C10orf90: variants seen among roughly 807,000 people sequenced by gnomAD.
C10orf90 encodes the protein chromosome 10 open reading frame 90.
Under a neutral mutation model 62.5 loss-of-function variants are expected in C10orf90, and 56 were observed. That is an observed-to-expected ratio of 0.90 (90% CI 0.72 to 1.12). C10orf90 has a LOEUF of 1.12. Ranked by LOEUF, C10orf90 falls within the 50% of genes most tolerant of loss-of-function variation. The pLI, the probability that C10orf90 is intolerant of heterozygous loss-of-function variation, is 0.00. For missense variants in C10orf90, 970 were observed against 880.4 expected, an observed-to-expected ratio of 1.10 and a Z score of -1.29; for synonymous variants, 386 against 340.4, an observed-to-expected ratio of 1.13 and a Z score of -1.47.
intron 2 of C10orf90, among the ~76,000 whole-genome samples, chr10:126,548,512 A>G (rs1482117613): frequency 6.6e-6 from 1 of 152,150 alleles, no homozygotes; most frequent in Non-Finnish European, 1.5e-5. Context: ...GATTACAGGC[A>G]CACGCCACCA....
chr10:126,661,003 C>T lies in C10orf90; in HGVS notation c.240+9238G>A, dbSNP rs116464857. Among the ~76,000 whole-genome samples the T allele has an allele frequency of 9.0e-3, 1,376 of 152,302 alleles. 19 individuals are homozygous for T. Among genetic ancestry groups the T allele is most frequent in the African/African-American group, 0.031 (1,284 of 41,562 alleles). ...CTGGCTTCTGCTATTGTATGCTTGA[C>T]ACAAATGTCATTAACTTGGAAAACT... On this transcript the variant is annotated intron_variant, in intron 1 of 9. Transcript: ENST00000488181.
intron 2 of C10orf90, among the ~76,000 whole-genome samples, chr10:126,574,644 T>C (rs975793918): frequency 6.6e-6 from 1 of 152,028 alleles, no homozygotes; most frequent in Admixed American, 6.5e-5. Context: ...ACAACATTAA[T>C]AGGAGAAAAG....
At chr10:126,526,944 C>T (rs1325085285) in intron 2 of C10orf90, among the ~76,000 whole-genome samples, 1 of 152,118 alleles carries the variant, frequency 6.6e-6, no homozygotes, top group Non-Finnish European at 1.5e-5. Context: ...ATAGGTAGAC[C>T]ACCTATGTTG....
chr10:126,622,390 C>A (rs1460306382), intron 2 of C10orf90, among the ~76,000 whole-genome samples: 1 of 152,146 alleles, frequency 6.6e-6, no homozygotes, highest in African/African-American at 2.4e-5. Context: ...CAGAAAAAAG[C>A]CTCAGGTTCC....
chr10:126,572,112 A>G (rs1844518650), intron 2 of C10orf90, among the ~76,000 whole-genome samples: 1 of 152,162 alleles, frequency 6.6e-6, no homozygotes, highest in Admixed American at 6.5e-5. Context: ...CCAGGAGGTT[A>G]AAGCATTCTT....
intron 2 of C10orf90, among the ~76,000 whole-genome samples, chr10:126,622,273 C>T (rs766104085): frequency 2.0e-5 from 3 of 152,060 alleles, no homozygotes; most frequent in Non-Finnish European, 2.9e-5. Context: ...TTCTCTAGCT[C>T]GGCTGATGAA....
chr10:126,662,041 C>A (rs1846525417), intron 1 of C10orf90, among the ~76,000 whole-genome samples: 1 of 150,692 alleles, frequency 6.6e-6, no homozygotes, highest in African/African-American at 2.4e-5. Context: ...GATTGGATGA[C>A]AGACATTGTA....
chr10:126,629,553 T>A (rs1256675219), intron 2 of C10orf90, among the ~76,000 whole-genome samples: 2 of 152,144 alleles, frequency 1.3e-5, no homozygotes, highest in African/African-American at 2.4e-5. Flanking sequence ...GATGCAGACA[T>A]CTGAAGGGAT....
chr10:126,626,995 CTTTTCTTTTTT>C (rs1205273513), intron 2 of C10orf90, among the ~76,000 whole-genome samples: 10 of 109,558 alleles, frequency 9.1e-5, no homozygotes, highest in African/African-American at 2.9e-4. Flanking sequence ...TTTTCTTTTT[CTTTTCTTTTTT>C]TTTTTTTTTT....
At chr10:126,585,804 C>T (rs1844858959) in intron 2 of C10orf90, among the ~76,000 whole-genome samples, 1 of 152,164 alleles carries the variant, frequency 6.6e-6, no homozygotes, top group African/African-American at 2.4e-5. Flanking sequence ...CTATAAACCA[C>T]TGGTTCTCCA....
chr10:126,582,804 C>T (rs186676155), intron 2 of C10orf90, among the ~76,000 whole-genome samples: 188 of 152,276 alleles, frequency 1.2e-3, no homozygotes, highest in Admixed American at 2.7e-3. Context: ...AGGACTCAGA[C>T]AAAAGCCTTG....
At chr10:126,470,183 T>C in intron 4 of C10orf90, 1 of 397,180 alleles carries the variant, frequency 2.5e-6, no homozygotes, top group South Asian at 1.9e-5. Flanking sequence ...GAAGGCATTT[T>C]TCTGCATGTT....
In C10orf90 at chr10:126,507,643, C is replaced by A. The variant is rs566594078; in HGVS notation, c.406-2558G>T. 1.8e-3 allele frequency among the ~76,000 whole-genome samples: 270 copies of A among 152,206 alleles called. 2 individuals are homozygous for A. The highest frequency in any genetic ancestry group is 6.3e-3 in the African/African-American group (261 of 41,544). Reference sequence around the variant, plus strand: ...GAGGCTAATGCTGCTGGAAGTCCTGCCAGGTGGGGCTTCCTCACCAGCAGT... The same window carrying A: ...GAGGCTAATGCTGCTGGAAGTCCTGACAGGTGGGGCTTCCTCACCAGCAGT... On this transcript the variant is annotated intron_variant, in intron 3 of 9. Transcript: ENST00000488181.
intron 2 of C10orf90, among the ~76,000 whole-genome samples, chr10:126,630,163 T>G (rs1404048873): frequency 2.0e-5 from 3 of 152,216 alleles, no homozygotes; most frequent in African/African-American, 7.2e-5. Flanking sequence ...ACTGTCCCAC[T>G]TTAATAACAA....
intron 7 of C10orf90, among the ~76,000 whole-genome samples, chr10:126,436,470 C>T (rs1385397230): frequency 6.6e-6 from 1 of 152,084 alleles, no homozygotes; most frequent in Non-Finnish European, 1.5e-5. Flanking sequence ...AAACATCATA[C>T]TTTTATGATG....
chr10:126,559,966 C>G (rs11245041), intron 2 of C10orf90, among the ~76,000 whole-genome samples: 1 of 152,086 alleles, frequency 6.6e-6, no homozygotes, highest in African/African-American at 2.4e-5. Context: ...AATTAGACAC[C>G]GCGGAGAACT....
At position 126,513,861 on chromosome 10, in the gene C10orf90, G is replaced by A; in HGVS notation, c.392C>T (p.Ser131Phe). Residue 131 changes from serine to phenylalanine, a missense_variant, in exon 3 of 10, where the codon TCT (serine) becomes TTT (phenylalanine). Coordinates refer to ENST00000488181, the MANE Select transcript of C10orf90 (RefSeq NM_001350921.2). ...AATGTATGTTACCTTGGTGAAGTCAGATTTTGCCTCTGTGACATCAGACTG... is the reference window on the plus strand; with the variant it reads ...AATGTATGTTACCTTGGTGAAGTCAAATTTTGCCTCTGTGACATCAGACTG... Reference protein sequence around the residue: ...NLQSDVTEAKSDFTKETLASQ... With the variant: ...NLQSDVTEAKFDFTKETLASQ... 6.2e-7 allele frequency: 1 copy of A among 1,608,176 alleles called. No homozygotes were observed. Among genetic ancestry groups the A allele is most frequent in the Middle Eastern group, 1.7e-4 (1 of 6,054 alleles).
At chr10:126,653,863 G>T (rs960160230) in intron 1 of C10orf90, among the ~76,000 whole-genome samples, 1 of 152,188 alleles carries the variant, frequency 6.6e-6, no homozygotes, top group Non-Finnish European at 1.5e-5. Flanking sequence ...CTGCAAAATG[G>T]ATGTTGTGTT....
At chr10:126,473,844 T>G (rs1217685405) in intron 4 of C10orf90, among the ~76,000 whole-genome samples, 2 of 152,124 alleles carry the variant, frequency 1.3e-5, no homozygotes, top group African/African-American at 4.8e-5. Flanking sequence ...GGGTTTCCAA[T>G]TTAGTATATC....
Sources: allele counts gnomAD v4.1 joint callset (sites outside exome capture counted in the v4.1 genomes callset), GRCh38; gene constraint gnomAD v4.1.1; transcripts MANE v1.5; gene names NCBI Gene and HGNC (gene_info 2026-07-23, HGNC 2026-07-21).